ZRANB1: variants seen among roughly 807,000 people sequenced by gnomAD.
ZRANB1 encodes zinc finger RANBP2-type containing 1, also known as ubiquitin thioesterase ZRANB1.
Under a neutral mutation model 80.5 loss-of-function variants are expected in ZRANB1, and 16 were observed. The observed-to-expected ratio is 0.20, with a 90% CI of 0.13 to 0.30. ZRANB1 has a LOEUF of 0.30. Ranked by LOEUF, ZRANB1 falls within the 10% of genes least tolerant of loss-of-function variation. The pLI is 1.00. For synonymous variants in ZRANB1, 291 were observed against 293.1 expected (o/e 0.99, Z 0.07); for missense variants, 576 against 862.6 (o/e 0.67, Z 4.16).
At chr10:124,943,383 G>A (rs1042605935) in intron 1 of ZRANB1, 76 bp downstream of exon 1, 24 of 1,391,158 alleles carry the variant, frequency 1.7e-5, no homozygotes, top group South Asian at 5.5e-5. Flanking sequence ...AGCTGGGTGC[G>A]CTGACACACG....
chr10:124,983,624 C>T lies in ZRANB1; in HGVS notation c.1844C>T (p.Thr615Ile). The T allele has an allele frequency of 6.2e-7, 1 of 1,613,586 alleles. No homozygotes were observed. Among genetic ancestry groups the T allele is most frequent in the Non-Finnish European group, 8.5e-7 (1 of 1,179,722 alleles). Reference protein sequence around the residue: ...NLNTDDDVTITFLPLVDSERK... With the variant: ...NLNTDDDVTIIFLPLVDSERK... Reference sequence around the variant, plus strand: ...AATACCGATGATGATGTCACCATCACATTTTTGCCTCTGGTTGACAGTGAA... The same window carrying T: ...AATACCGATGATGATGTCACCATCATATTTTTGCCTCTGGTTGACAGTGAA... Residue 615 changes from threonine (T) to isoleucine (I), a missense_variant, in exon 8 of 9, where the codon ACA becomes ATA. By Grantham distance (89) the Thr-to-Ile change is moderately conservative. Transcript: ENST00000359653. The surrounding 1 kb of genome is among the most constrained non-coding windows in gnomAD (Gnocchi z 6.2).
the ZRANB1 span, among the ~76,000 whole-genome samples, chr10:124,931,824 A>G: frequency 3.3e-5 from 5 of 152,200 alleles, no homozygotes. Flanking sequence ...ATGAACCAAC[A>G]TTGACACATA....
At chr10:124,930,399 G>A in the ZRANB1 span, among the ~76,000 whole-genome samples, 39 of 152,236 alleles carry the variant, frequency 2.6e-4, no homozygotes, top group South Asian at 5.0e-3. Flanking sequence ...CTGAGTAGCT[G>A]GGATTATAGG....
chr10:124,929,502 A>AT, the ZRANB1 span, among the ~76,000 whole-genome samples: 5 of 150,356 alleles, frequency 3.3e-5, no homozygotes, highest in South Asian at 4.2e-4. Context: ...CACCTGGCTA[A>AT]TTTTTTTTTG....
intron 3 of ZRANB1, 28 bp downstream of exon 3, chr10:124,972,146 C>CT: frequency 2.5e-6 from 4 of 1,598,518 alleles, no homozygotes; most frequent in Non-Finnish European, 3.4e-6. Flanking sequence ...CGTAAAAAGA[C>CT]TTTTTTATTT....
the ZRANB1 span, among the ~76,000 whole-genome samples, chr10:124,935,106 T>C: frequency 6.6e-6 from 1 of 152,228 alleles, no homozygotes; most frequent in Non-Finnish European, 1.5e-5. Flanking sequence ...CAAAAGTGTT[T>C]AATAATTTCG....
the ZRANB1 span, among the ~76,000 whole-genome samples, chr10:124,933,357 T>C: frequency 3.3e-5 from 5 of 152,046 alleles, no homozygotes; most frequent in African/African-American, 1.2e-4. Context: ...CAGGCTGGTC[T>C]CAAACTCCTG....
intron 3 of ZRANB1, 32 bp downstream of exon 3, chr10:124,972,150 T>C: frequency 1.9e-6 from 3 of 1,597,428 alleles, no homozygotes; most frequent in Non-Finnish European, 2.6e-6. Context: ...AAAAGACTTT[T>C]TTATTTTATT....
At chr10:124,931,223 CAT>C in the ZRANB1 span, among the ~76,000 whole-genome samples, 1 of 151,768 alleles carries the variant, frequency 6.6e-6, no homozygotes, top group African/African-American at 2.4e-5. Flanking sequence ...CGTGTGCCAC[CAT>C]ACCGGGCTAA....
chr10:124,962,176 CG>C (rs1204764871), intron 1 of ZRANB1, among the ~76,000 whole-genome samples: 2 of 152,108 alleles, frequency 1.3e-5, no homozygotes, highest in African/African-American at 4.8e-5. Flanking sequence ...ATATGAAAAC[CG>C]GTTAAATGAG....
Position 124,986,418 on chromosome 10 carries a change from C to T in ZRANB1, c.*1426C>T, listed in dbSNP as rs1304251213. ...TAGTTGATAATGAAATGTGTACAAC[C>T]TCAAATTTGCTGCCAGAATACTAAA... On this transcript the variant is annotated 3_prime_UTR_variant, in exon 9 of 9. Transcript: ENST00000359653. 2.6e-5 allele frequency: 4 copies of T among 152,326 alleles called. No individual in the cohort carries two copies. The highest frequency in any genetic ancestry group is 9.7e-5 in the African/African-American group (4 of 41,402). The allele number at this position is 152,326 out of a possible 1,614,324, so 9.4% of individuals were successfully genotyped here.
chr10:124,917,468 G>T, the ZRANB1 span, among the ~76,000 whole-genome samples: 1 of 151,978 alleles, frequency 6.6e-6, no homozygotes, highest in Non-Finnish European at 1.5e-5. Context: ...TTGCGGGGAC[G>T]GCCCGGGGGC....
At chr10:124,941,198 T>TAA (rs59781656), upstream of ZRANB1, among the ~76,000 whole-genome samples, 30 of 148,922 alleles carry the variant, frequency 2.0e-4, no homozygotes, top group Admixed American at 4.7e-4. Flanking sequence ...TTCAAGCCAT[T>TAA]AAAAAAAAAA....
At position 124,985,188 on chromosome 10, in the gene ZRANB1, T is replaced by C; in HGVS notation, c.*196T>C. 6.1e-6 allele frequency: 3 copies of C among 494,298 alleles called. No individual in the cohort carries two copies. Among genetic ancestry groups the C allele is most frequent in the Non-Finnish European group, 1.1e-5 (3 of 281,526 alleles). The allele number at this position is 494,298 out of a possible 1,614,324, so 30.6% of individuals were successfully genotyped here. A position where few individuals can be genotyped will look rare whatever the true frequency, so the allele number is the denominator to read the frequency against. On this transcript the variant is annotated 3_prime_UTR_variant, in exon 9 of 9. Coordinates refer to ENST00000359653, the MANE Select transcript of ZRANB1 (RefSeq NM_017580.3). The stretch of plus-strand genomic sequence containing the variant: ...GCGTGAGGAGACAGAGAACTTTAGT[T>C]GGACTACAGTTTGTAAAAAAAACTA...
the ZRANB1 span, among the ~76,000 whole-genome samples, chr10:124,934,914 A>G: frequency 9.8e-5 from 15 of 152,344 alleles, no homozygotes; most frequent in African/African-American, 2.6e-4. Flanking sequence ...AGTTTGAGGA[A>G]GAAAAGCTAC....
At chr10:124,931,268 C>T in the ZRANB1 span, among the ~76,000 whole-genome samples, 1 of 151,990 alleles carries the variant, frequency 6.6e-6, no homozygotes, top group African/African-American at 2.4e-5. Context: ...GATGGAGTCT[C>T]ACTATGTTGC....
At chr10:124,951,278 C>T (rs191760564) in intron 1 of ZRANB1, among the ~76,000 whole-genome samples, 1 of 151,866 alleles carries the variant, frequency 6.6e-6, no homozygotes, top group Non-Finnish European at 1.5e-5. Context: ...AAATATGTGC[C>T]TGGTGTAATG....
chr10:124,932,681 G>C, the ZRANB1 span, among the ~76,000 whole-genome samples: 1 of 151,952 alleles, frequency 6.6e-6, no homozygotes, highest in African/African-American at 2.4e-5. Flanking sequence ...TAAGTATGTG[G>C]TGGTATCTAA....
chr10:124,934,222 G>T, the ZRANB1 span, among the ~76,000 whole-genome samples: 5 of 152,222 alleles, frequency 3.3e-5, no homozygotes, highest in Non-Finnish European at 7.3e-5. Context: ...ACCCTGGCAG[G>T]TGTTATTTAA....
Sources: gnomAD v4.1 joint callset for allele counts (sites outside exome capture counted in the v4.1 genomes callset) on GRCh38, gnomAD v4.1.1 for gene constraint, Gnocchi (gnomAD v3.1) non-coding constraint, MANE v1.5 for transcripts, NCBI Gene and HGNC (gene_info 2026-07-23, HGNC 2026-07-21) for gene names.